ZNF18: variants seen among roughly 807,000 people sequenced by gnomAD.
ZNF18 encodes zinc finger protein 18.
ZNF18 carries 42 observed loss-of-function variants against 58.1 expected under a neutral mutation model. That is an observed-to-expected ratio of 0.72 (90% CI 0.56 to 0.93). The LOEUF (loss-of-function observed/expected upper bound fraction) is 0.93, where lower values mean the gene tolerates loss of function less well. Ranked by LOEUF, ZNF18 falls within the 40% of genes least tolerant of loss-of-function variation. The pLI is 0.00. For synonymous variants in ZNF18, 231 were observed against 239.8 expected (o/e 0.96, Z 0.34); for missense variants, 540 against 644.2 (o/e 0.84, Z 1.75).
intron 3 of ZNF18, 88 bp downstream of exon 3, chr17:11,990,886 T>A (rs1968076060): frequency 7.1e-7 from 1 of 1,414,228 alleles, no homozygotes; most frequent in Non-Finnish European, 9.7e-7. Context: ...TACGCCAATC[T>A]GAGCAGCATA....
At chr17:11,996,597 C>T (rs1050953735) in intron 1 of ZNF18, among the ~76,000 whole-genome samples, 1 of 151,752 alleles carries the variant, frequency 6.6e-6, no homozygotes, top group African/African-American at 2.4e-5. Flanking sequence ...GAGGAACTGC[C>T]CCCATTAGTT....
the ZNF18 span, among the ~76,000 whole-genome samples, chr17:12,017,067 G>A: frequency 6.6e-6 from 1 of 151,584 alleles, no homozygotes; most frequent in African/African-American, 2.4e-5. Context: ...GCATGGTGAT[G>A]TGCGCCTGTA....
upstream of ZNF18, among the ~76,000 whole-genome samples, chr17:11,998,925 C>A (rs1043465551): frequency 3.3e-5 from 5 of 150,116 alleles, no homozygotes; most frequent in Middle Eastern, 7.2e-3. Context: ...ATCCACCCAC[C>A]TTGGCCTCCC....
At chr17:12,020,904 G>A in the ZNF18 span, 37 of 1,139,452 alleles carry the variant, frequency 3.2e-5, no homozygotes, top group Non-Finnish European at 3.9e-5. Flanking sequence ...CTCCGAGCCC[G>A]AGCGGCGGCG....
At position 11,990,451 on chromosome 17, in the gene ZNF18, C is replaced by A. The variant is rs747679599; in HGVS notation, c.666+11G>T. ...AAGTTTCCTTTTCATCGCTTTTGTACGTCAGCTCACCTGAGGTGCTGCTGG... is the reference window on the plus strand; with the variant it reads ...AAGTTTCCTTTTCATCGCTTTTGTAAGTCAGCTCACCTGAGGTGCTGCTGG... On this transcript the variant is annotated intron_variant, in intron 4 of 6. Coordinates refer to ENST00000580306, the MANE Select transcript of ZNF18 (RefSeq NM_001303281.2). 2 of 1,609,234 alleles carry A rather than the reference C, an allele frequency of 1.2e-6. No homozygotes were observed. The highest frequency in any genetic ancestry group is 3.4e-5 in the Admixed American group (2 of 59,542).
chr17:11,987,778 G>A (rs1967844822), intron 4 of ZNF18, among the ~76,000 whole-genome samples: 1 of 152,110 alleles, frequency 6.6e-6, no homozygotes, highest in East Asian at 1.9e-4. Flanking sequence ...TGGTTTCTGG[G>A]CACCTTGAAA....
the ZNF18 span, among the ~76,000 whole-genome samples, chr17:12,020,386 G>T: frequency 3.9e-5 from 6 of 152,108 alleles, no homozygotes; most frequent in African/African-American, 1.4e-4. Flanking sequence ...GGGGTATTGG[G>T]CTTAAGAGGA....
chr17:11,992,943 G>C, intron 1 of ZNF18, 32 bp from the exon 2 acceptor site: 1 of 1,218,590 alleles, frequency 8.2e-7, no homozygotes, highest in Non-Finnish European at 1.1e-6. Context: ...GTGCTACACA[G>C]AGGAAGGGGA....
At chr17:12,019,869 T>C in the ZNF18 span, among the ~76,000 whole-genome samples, 2 of 152,218 alleles carry the variant, frequency 1.3e-5, no homozygotes, top group African/African-American at 4.8e-5. Flanking sequence ...ATGGCTTAGA[T>C]TCTTTGGGAA....
chr17:11,982,713 A>G (rs958852415), intron 6 of ZNF18, among the ~76,000 whole-genome samples: 4 of 138,172 alleles, frequency 2.9e-5, no homozygotes, highest in Admixed American at 1.5e-4. Flanking sequence ...TTTCGCAATT[A>G]GTTTTTACGT....
At chr17:12,015,014 C>T in the ZNF18 span, among the ~76,000 whole-genome samples, 1 of 152,058 alleles carries the variant, frequency 6.6e-6, no homozygotes, top group Non-Finnish European at 1.5e-5. Context: ...AGCCGCTGCA[C>T]TCCAGCCTGG....
intron 1 of ZNF18, chr17:11,996,788 T>C (rs1215859633): frequency 1.3e-5 from 2 of 152,236 alleles, no homozygotes; most frequent in African/African-American, 2.4e-5. Context: ...TCGGTTCATG[T>C]ATTTCCAATT....
chr17:11,999,622 A>G (rs1399217501), upstream of ZNF18, among the ~76,000 whole-genome samples: 1 of 152,174 alleles, frequency 6.6e-6, no homozygotes, highest in Non-Finnish European at 1.5e-5. Context: ...TGTGCCCAGC[A>G]CTCTTCCAAT....
In ZNF18 at chr17:11,992,879, G is replaced by T; in HGVS notation, c.-50C>A. ...AGTAAAGTGCTTCTGCAGTGGAATT[G>T]TCTCCGGCAAGAACTAGGTCTTCAC... On this transcript the variant is annotated 5_prime_UTR_variant, in exon 2 of 7. Transcript: ENST00000580306. 6.4e-7 allele frequency: 1 copy of T among 1,566,294 alleles called. No individual in the cohort carries two copies. Among genetic ancestry groups the T allele is most frequent in the Non-Finnish European group, 8.6e-7 (1 of 1,160,400 alleles).
the ZNF18 span, among the ~76,000 whole-genome samples, chr17:12,008,335 T>C: frequency 6.6e-6 from 1 of 152,064 alleles, no homozygotes; most frequent in Non-Finnish European, 1.5e-5. Flanking sequence ...TTGCAGTGAG[T>C]CATAAGTCTG....
chr17:12,018,326 C>T, the ZNF18 span, among the ~76,000 whole-genome samples: 1 of 152,096 alleles, frequency 6.6e-6, no homozygotes, highest in African/African-American at 2.4e-5. Context: ...AGCAAAAGAA[C>T]CAATAAACAA....
rs1967105253 is a variant in ZNF18, at chr17:11,978,162, T to C, written c.1445A>G (p.His482Arg). ...TTTCTCTCCTGTGTGGATTTTCTCG[T>C]GGTGGCGCAATCCTGAGAAGTCACT... ...GFSDFSGLRH[H>R]EKIHTGEKPY... The change falls in exon 7 of 7, where the codon CAC becomes CGC. Residue 482 changes from histidine to arginine, a missense_variant. By Grantham distance (29) the His-to-Arg change is conservative (BLOSUM62 0). Coordinates refer to ENST00000580306, the MANE Select transcript of ZNF18 (RefSeq NM_001303281.2). 2.5e-6 allele frequency: 4 copies of C among 1,613,960 alleles called. No individual in the cohort carries two copies.
At chr17:11,995,134 C>T (rs1432354866) in intron 1 of ZNF18, among the ~76,000 whole-genome samples, 2 of 152,118 alleles carry the variant, frequency 1.3e-5, no homozygotes, top group Admixed American at 1.3e-4. Flanking sequence ...CAGGTCTGAG[C>T]GCAGTGGCTC....
At chr17:11,991,312 G>T in intron 2 of ZNF18, 149 bp from the exon 3 acceptor site, 2 of 781,010 alleles carry the variant, frequency 2.6e-6, no homozygotes, top group Non-Finnish European at 3.9e-6. Context: ...AGTCCAGCAG[G>T]AACCAGGGAA....
Sources: allele counts gnomAD v4.1 joint callset (sites outside exome capture counted in the v4.1 genomes callset), GRCh38; gene constraint gnomAD v4.1.1; transcripts MANE v1.5; gene names NCBI Gene and HGNC (gene_info 2026-07-23, HGNC 2026-07-21).